EML5: variants seen among roughly 807,000 people sequenced by gnomAD.
The protein encoded by EML5 is EMAP like 5.
Under a neutral mutation model 250.0 loss-of-function variants are expected in EML5, and 120 were observed. The observed-to-expected ratio is 0.48, with a 90% CI of 0.41 to 0.56. The LOEUF (loss-of-function observed/expected upper bound fraction) is 0.56. Among genes scored for constraint, EML5 ranks in the 20% least tolerant of loss-of-function variants. The pLI is 0.00. For missense variants in EML5, 2,006 were observed against 2,437.6 expected, an observed-to-expected ratio of 0.82 and a Z score of 3.73; for synonymous variants, 771 against 806.5, an observed-to-expected ratio of 0.96 and a Z score of 0.75.
At chr14:88,726,718 T>C (rs1014363062) in intron 7 of EML5, 40 bp from the exon 8 acceptor site, 26 of 1,391,382 alleles carry the variant, frequency 1.9e-5, no homozygotes, top group African/African-American at 1.7e-4. Flanking sequence ...GGTTAGCTAA[T>C]GCATACTTTA....
intron 1 of EML5, among the ~76,000 whole-genome samples, chr14:88,761,735 C>A (rs556476599): frequency 6.6e-6 from 1 of 152,138 alleles, no homozygotes; most frequent in Non-Finnish European, 1.5e-5. Context: ...TTGGGTCAAA[C>A]GGTATTTCTG....
At chr14:88,676,506 G>A (rs2092597380) in intron 21 of EML5, among the ~76,000 whole-genome samples, 1 of 152,094 alleles carries the variant, frequency 6.6e-6, no homozygotes, top group African/African-American at 2.4e-5. Flanking sequence ...ACAACATGTA[G>A]GAATTCAAGA....
chr14:88,777,796 C>A (rs921617793), intron 1 of EML5, among the ~76,000 whole-genome samples: 8 of 152,200 alleles, frequency 5.3e-5, no homozygotes, highest in Non-Finnish European at 1.0e-4. Context: ...GGCAACATGG[C>A]AAAATCCATC....
At chr14:88,670,866 G>C (rs78926317) in intron 21 of EML5, among the ~76,000 whole-genome samples, 2 of 141,922 alleles carry the variant, frequency 1.4e-5, no homozygotes, top group Admixed American at 7.1e-5. Flanking sequence ...CAAGATTAGA[G>C]AAAAAAAAAA....
chr14:88,662,908 T>C (rs1292432554), intron 24 of EML5, 123 bp downstream of exon 24: 2 of 675,666 alleles, frequency 3.0e-6, no homozygotes, highest in Non-Finnish European at 4.8e-6. Context: ...AACTCAATAA[T>C]ATCCAATATT....
At chr14:88,640,332 A>C (rs915504917) in intron 31 of EML5, among the ~76,000 whole-genome samples, 1 of 152,214 alleles carries the variant, frequency 6.6e-6, no homozygotes, top group Non-Finnish European at 1.5e-5. Context: ...AAATTCAAGA[A>C]AATTGAAATC....
In EML5 at chr14:88,613,880, C is replaced by T. The variant is rs1370891702; in HGVS notation, c.*1938G>A. On this transcript the variant is annotated 3_prime_UTR_variant, in exon 44 of 44. Transcript: ENST00000554922. ...TATATGGCCTATCATGTTTCTTCACCTTCCCCTCGTTGCTGGCTGATACAG... is the reference window on the plus strand; with the variant it reads ...TATATGGCCTATCATGTTTCTTCACTTTCCCCTCGTTGCTGGCTGATACAG... 6.6e-6 allele frequency: 1 copy of T among 152,178 alleles called. No individual in the cohort carries two copies. Among genetic ancestry groups the T allele is most frequent in the African/African-American group, 2.4e-5 (1 of 41,428 alleles). 9.4% of individuals were successfully genotyped at this position (152,178 alleles called of 1,614,324 possible).
chr14:88,711,023 T>C (rs533266406), intron 10 of EML5, among the ~76,000 whole-genome samples: 1 of 152,284 alleles, frequency 6.6e-6, no homozygotes, highest in Admixed American at 6.5e-5. Flanking sequence ...GGTCAGTATG[T>C]GAAACAGTAA....
intron 1 of EML5, among the ~76,000 whole-genome samples, chr14:88,759,212 TTTAGTA>T (rs2094204047): frequency 6.6e-6 from 1 of 152,188 alleles, no homozygotes; most frequent in African/African-American, 2.4e-5. Context: ...TACACATATT[TTTAGTA>T]TAAGGATTTA....
chr14:88,659,199 A>C (rs1234233206), intron 25 of EML5, among the ~76,000 whole-genome samples: 5 of 152,034 alleles, frequency 3.3e-5, no homozygotes, highest in African/African-American at 1.2e-4. Flanking sequence ...TACAAAACAC[A>C]GTGATAGCAA....
intron 21 of EML5, among the ~76,000 whole-genome samples, chr14:88,677,797 T>G (rs757633146): frequency 9.9e-5 from 15 of 152,160 alleles, no homozygotes; most frequent in Admixed American, 2.6e-4. Flanking sequence ...CAAGAAACAA[T>G]AGATGGTGCT....
chr14:88,613,848 C>G lies in EML5; in HGVS notation c.*1970G>C, dbSNP rs2087189427. 1 of 152,168 alleles carries G rather than the reference C, an allele frequency of 6.6e-6. No individual in the cohort carries two copies. The highest frequency in any genetic ancestry group is 6.5e-5 in the Admixed American group (1 of 15,268). 9.4% of individuals were successfully genotyped at this position (152,168 alleles called of 1,614,324 possible). A position where few individuals can be genotyped will look rare whatever the true frequency, so the allele number is the denominator to read the frequency against. Reference sequence around the variant, plus strand: ...CTGGGTTAAAAAAGTAAACATAGGGCAGATTCTATATGGCCTATCATGTTT... The same window carrying G: ...CTGGGTTAAAAAAGTAAACATAGGGGAGATTCTATATGGCCTATCATGTTT... On this transcript the variant is annotated 3_prime_UTR_variant, in exon 44 of 44. Transcript: ENST00000554922.
intron 21 of EML5, among the ~76,000 whole-genome samples, chr14:88,681,136 A>G (rs2092705061): frequency 6.6e-6 from 1 of 152,226 alleles, no homozygotes; most frequent in South Asian, 2.1e-4. Context: ...AATGACAATT[A>G]TCAAAATTAA....
chr14:88,664,957 T>C (rs1199378946), intron 22 of EML5, among the ~76,000 whole-genome samples: 2 of 152,198 alleles, frequency 1.3e-5, no homozygotes, highest in Admixed American at 1.3e-4. Context: ...GCCTTAACAT[T>C]AGTAATTGCT....
intron 8 of EML5, among the ~76,000 whole-genome samples, chr14:88,726,331 A>G (rs1057219631): frequency 6.6e-6 from 1 of 152,184 alleles, no homozygotes; most frequent in Admixed American, 6.5e-5. Context: ...AGGCTTCTGA[A>G]TTTATTTTTC....
At chr14:88,754,109 G>C (rs2094132621) in intron 2 of EML5, among the ~76,000 whole-genome samples, 1 of 152,160 alleles carries the variant, frequency 6.6e-6, no homozygotes, top group Non-Finnish European at 1.5e-5. Context: ...CTGGGCAGCA[G>C]AGCGTGACCC....
At chr14:88,755,147 C>A (rs144275001) in intron 1 of EML5, among the ~76,000 whole-genome samples, 1 of 152,170 alleles carries the variant, frequency 6.6e-6, no homozygotes, top group African/African-American at 2.4e-5. Context: ...AAAATCCATG[C>A]TAACAGTTAC....
At chr14:88,638,196 T>C (rs2090847180) in intron 32 of EML5, among the ~76,000 whole-genome samples, 1 of 152,178 alleles carries the variant, frequency 6.6e-6, no homozygotes, top group Admixed American at 6.5e-5. Flanking sequence ...GGCAGATATG[T>C]CCTAAACAGA....
At position 88,771,999 on chromosome 14, in the gene EML5, T is replaced by C. The variant is rs1200429144; in HGVS notation, c.198-17328A>G. 3.9e-5 allele frequency among the ~76,000 whole-genome samples: 6 copies of C among 152,220 alleles called. No individual in the cohort carries two copies. The East Asian group carries it at 1.2e-3, about 29-fold the overall frequency. On this transcript the variant is annotated intron_variant, in intron 1 of 43. Transcript: ENST00000554922. ...GTGATAACTCCCAACCCTGTATCTCTAGGTCAGCACAATGGATACATTCCT... is the reference window on the plus strand; with the variant it reads ...GTGATAACTCCCAACCCTGTATCTCCAGGTCAGCACAATGGATACATTCCT...
Sources: gnomAD v4.1 joint callset for allele counts (sites outside exome capture counted in the v4.1 genomes callset) on GRCh38, gnomAD v4.1.1 for gene constraint, MANE v1.5 for transcripts, NCBI Gene and HGNC (gene_info 2026-07-23, HGNC 2026-07-21) for gene names.